The following ADARB2 variants were observed in gnomAD, a reference collection of about 807,000 sequenced individuals.
ADARB2 encodes the protein inactive double-stranded RNA-specific editase B2.
In ADARB2, 25 loss-of-function variants were observed where a neutral mutation model predicts 62.2. That is an observed-to-expected ratio of 0.40 (90% confidence interval 0.29 to 0.56). The LOEUF (loss-of-function observed/expected upper bound fraction) is 0.56, where lower values mean the gene tolerates loss of function less well. Among genes scored for constraint, ADARB2 ranks in the 20% least tolerant of loss-of-function variants. ADARB2 has a pLI of 0.43. For synonymous variants in ADARB2, 572 were observed against 500.8 expected (o/e 1.14, Z -1.90); for missense variants, 1,071 against 1,077.4 (o/e 0.99, Z 0.08).
intron 1 of ADARB2, among the ~76,000 whole-genome samples, chr10:1,392,349 C>A (rs1350115896): frequency 6.6e-6 from 1 of 152,172 alleles, no homozygotes; most frequent in Admixed American, 6.5e-5. Context: ...TTACAAGTTT[C>A]CTTCTCATGT....
chr10:1,435,072 C>T (rs1276825759), intron 1 of ADARB2, among the ~76,000 whole-genome samples: 2 of 152,322 alleles, frequency 1.3e-5, no homozygotes, highest in South Asian at 2.1e-4. Flanking sequence ...ACAGCACGGA[C>T]CTGGGTCCCC....
At position 1,426,864 on chromosome 10, in the gene ADARB2, T is replaced by G. The variant is rs1832897432; in HGVS notation, c.101-47704A>C. Among the ~76,000 whole-genome samples the G allele has an allele frequency of 6.6e-6, 1 of 152,200 alleles. No individual in the cohort carries two copies. Among genetic ancestry groups the G allele is most frequent in the Admixed American group, 6.5e-5 (1 of 15,288 alleles). On this transcript the variant is annotated intron_variant, in intron 1 of 9. Transcript: ENST00000381312. This position sits in a 1 kb window ranked among gnomAD's most constrained non-coding sequence, Gnocchi z 4.1. Reference sequence around the variant, plus strand: ...AGACTCCTAAGAAGGCAGCTTTGTGTTGGACAAAACACAGTGGGGACAGGA... The same window carrying G: ...AGACTCCTAAGAAGGCAGCTTTGTGGTGGACAAAACACAGTGGGGACAGGA...
At chr10:1,224,307 T>C (rs1830724130) in intron 6 of ADARB2, among the ~76,000 whole-genome samples, 1 of 152,218 alleles carries the variant, frequency 6.6e-6, no homozygotes, top group Admixed American at 6.5e-5. Context: ...TCTTTGATTC[T>C]TCTCTCTTTT....
At chr10:1,417,705 C>T (rs751151635) in intron 1 of ADARB2, among the ~76,000 whole-genome samples, 30 of 152,296 alleles carry the variant, frequency 2.0e-4, no homozygotes, top group Admixed American at 2.6e-4. Context: ...TATGGGCCGG[C>T]GTTGCACCTC....
chr10:1,681,869 A>G (rs866181280), intron 1 of ADARB2, among the ~76,000 whole-genome samples: 4 of 152,178 alleles, frequency 2.6e-5, no homozygotes, highest in African/African-American at 9.7e-5. Flanking sequence ...GTGAAAGTGC[A>G]GCACACTCCG....
intron 3 of ADARB2, among the ~76,000 whole-genome samples, chr10:1,339,953 T>C (rs1340664369): frequency 1.3e-5 from 2 of 151,948 alleles, no homozygotes; most frequent in Admixed American, 6.6e-5. Context: ...AGGGGTGGGC[T>C]CACAGCTGGG....
chr10:1,231,192 A>G (rs1357215328), intron 6 of ADARB2, among the ~76,000 whole-genome samples: 2 of 152,184 alleles, frequency 1.3e-5, no homozygotes, highest in Admixed American at 1.3e-4. Flanking sequence ...GCCAAGGAAG[A>G]GGCTGGATAA....
intron 3 of ADARB2, among the ~76,000 whole-genome samples, chr10:1,308,998 C>A (rs1463588738): frequency 2.0e-5 from 3 of 152,244 alleles, no homozygotes; most frequent in Non-Finnish European, 1.5e-5. Flanking sequence ...GGGGAAAAGT[C>A]CCCAAAAAGG....
chr10:1,538,193 A>T (rs370311732), intron 1 of ADARB2, among the ~76,000 whole-genome samples: 4 of 152,066 alleles, frequency 2.6e-5, no homozygotes, highest in African/African-American at 7.2e-5. Flanking sequence ...GTGTTCTTGC[A>T]TGTGTCCAGA....
At chr10:1,641,811 G>A (rs1833981873) in intron 1 of ADARB2, among the ~76,000 whole-genome samples, 1 of 152,198 alleles carries the variant, frequency 6.6e-6, no homozygotes, top group African/African-American at 2.4e-5. Context: ...TCAGGAGTTT[G>A]AGACCAGCCT....
At chr10:1,408,254 T>A (rs1250003350) in intron 1 of ADARB2, among the ~76,000 whole-genome samples, 1 of 152,248 alleles carries the variant, frequency 6.6e-6, no homozygotes, top group Non-Finnish European at 1.5e-5. Context: ...AGTTAAAATG[T>A]CTACATAACA....
At chr10:1,322,541 T>C (rs1831804632) in intron 3 of ADARB2, among the ~76,000 whole-genome samples, 1 of 152,178 alleles carries the variant, frequency 6.6e-6, no homozygotes, top group South Asian at 2.1e-4. Context: ...CCTATGAGGC[T>C]AATATTGAGG....
At chr10:1,556,939 A>T (rs1240047921) in intron 1 of ADARB2, 1 of 434,404 alleles carries the variant, frequency 2.3e-6, no homozygotes, top group Admixed American at 2.6e-5. Flanking sequence ...CTCAATATTT[A>T]TGAAGGTAAT....
chr10:1,535,070 C>T lies in ADARB2; in HGVS notation c.101-155910G>A, dbSNP rs190793680. ...AATGAGCTAGGACGAGGCAACAGCA[C>T]GCAGGCCACGCCTCGCCAACCCATG... On this transcript the variant is annotated intron_variant, in intron 1 of 9. Transcript: ENST00000381312. 339 of 167,006 alleles carry T rather than the reference C, an allele frequency of 2.0e-3. 1 individual carries two copies. The highest frequency in any genetic ancestry group is 3.1e-3 in the Admixed American group (48 of 15,300). 10.3% of individuals were successfully genotyped at this position (167,006 alleles called of 1,614,324 possible). A position where few individuals can be genotyped will look rare whatever the true frequency, so the allele number is the denominator to read the frequency against.
intron 1 of ADARB2, among the ~76,000 whole-genome samples, chr10:1,707,922 AAG>A (rs1383890659): frequency 1.3e-5 from 2 of 152,176 alleles, no homozygotes; most frequent in Non-Finnish European, 2.9e-5. Flanking sequence ...GGGCTCTAAA[AAG>A]AGTTTCTGGC....
In ADARB2 at chr10:1,659,946, G is replaced by C. The variant is rs192519303; in HGVS notation, c.100+77105C>G. On this transcript the variant is annotated intron_variant, in intron 1 of 9. Transcript: ENST00000381312. ...TCTTCCTCCATTGCCTGCCCTGCCT[G>C]GGCGACCCATCATGCTGCTTCTGGG... Among the ~76,000 whole-genome samples, 318 of 149,860 alleles carry C rather than the reference G, an allele frequency of 2.1e-3. 1 individual carries two copies. The highest frequency in any genetic ancestry group is 7.2e-3 in the African/African-American group (294 of 40,994).
intron 1 of ADARB2, among the ~76,000 whole-genome samples, chr10:1,633,827 G>C (rs994766274): frequency 3.9e-5 from 6 of 152,178 alleles, no homozygotes; most frequent in Non-Finnish European, 7.4e-5. Flanking sequence ...CAGGGACTCA[G>C]TCCAGGCCCC....
At chr10:1,458,047 G>T (rs960412990) in intron 1 of ADARB2, among the ~76,000 whole-genome samples, 34 of 151,786 alleles carry the variant, frequency 2.2e-4, no homozygotes, top group African/African-American at 8.2e-4. Context: ...TTCCCCAAAC[G>T]CTCTTTAGAA....
chr10:1,207,755 TAATC>T (rs1837088993), intron 7 of ADARB2, among the ~76,000 whole-genome samples: 1 of 152,246 alleles, frequency 6.6e-6, no homozygotes, highest in Non-Finnish European at 1.5e-5. Context: ...TTGTGATCAA[TAATC>T]AAGCTCAGGT....
Sources: gnomAD v4.1 joint callset for allele counts (sites outside exome capture counted in the v4.1 genomes callset) on GRCh38, gnomAD v4.1.1 for gene constraint, Gnocchi (gnomAD v3.1) non-coding constraint, MANE v1.5 for transcripts, NCBI Gene and HGNC (gene_info 2026-07-23, HGNC 2026-07-21) for gene names.